Variants in MTA1 observed in about 807,000 individuals in gnomAD.
The protein encoded by MTA1 is metastasis associated 1.
A neutral mutation model predicts 97.0 loss-of-function variants in MTA1; 15 were observed. The ratio of observed to expected loss-of-function variants is 0.15; its 90% CI spans 0.10 to 0.24. The LOEUF is 0.24. MTA1 is among the 10% of genes least tolerant of loss of function. The pLI is 1.00. For synonymous variants in MTA1, 435 were observed against 417.5 expected (o/e 1.04, Z -0.51); for missense variants, 709 against 1,015.1 (o/e 0.70, Z 4.10).
At chr14:105,450,629 G>T (rs1428974958) in intron 6 of MTA1, among the ~76,000 whole-genome samples, 12 of 152,282 alleles carry the variant, frequency 7.9e-5, no homozygotes, top group African/African-American at 2.4e-4. Context: ...AGGCAGGTGG[G>T]GGCAGGGGCC....
chr14:105,467,202 C>T, intron 18 of MTA1: 4 of 357,874 alleles, frequency 1.1e-5, no homozygotes, highest in South Asian at 8.3e-5. Context: ...AGGACTGGCT[C>T]AGGTGCTCTG....
chr14:105,431,071 G>A (rs60686524), intron 1 of MTA1, among the ~76,000 whole-genome samples: 3,350 of 152,200 alleles, frequency 0.022, 74 homozygotes, highest in African/African-American at 0.049. Context: ...GCAGCCAGTC[G>A]GTTATCCAGT....
At chr14:105,447,995 C>T (rs2082776473) in intron 3 of MTA1, among the ~76,000 whole-genome samples, 1 of 152,170 alleles carries the variant, frequency 6.6e-6, no homozygotes. Flanking sequence ...GCCCACAGTG[C>T]AGGCCTCAGG....
At chr14:105,440,563 T>C (rs1595317857) in intron 2 of MTA1, among the ~76,000 whole-genome samples, 1 of 152,256 alleles carries the variant, frequency 6.6e-6, no homozygotes, top group Admixed American at 6.5e-5. Context: ...GGCAGGGGGC[T>C]GGCTTCCAGC....
intron 3 of MTA1, among the ~76,000 whole-genome samples, chr14:105,446,208 G>A (rs1555427135): frequency 6.6e-6 from 1 of 152,162 alleles, no homozygotes. Flanking sequence ...TGCCGAGCTG[G>A]GCCCCACCTG....
chr14:105,437,306 C>T (rs900878392), intron 1 of MTA1, among the ~76,000 whole-genome samples: 7 of 51,888 alleles, frequency 1.3e-4, no homozygotes, highest in Admixed American at 7.6e-4. Context: ...TCCTCATGGG[C>T]GTGTGCCTGC....
Position 105,466,429 on chromosome 14 carries a change from C to CG in MTA1, c.1628_1629insG (p.His544ProfsTer8). ...CTGCCTGTGTCATTCCCGGCAGAGA[C>CG]CCACCCCCGCCCCCCCAAGCCTGAC... On this transcript the variant is annotated frameshift_variant, in exon 17 of 21. Coordinates refer to ENST00000331320, the MANE Select transcript of MTA1 (RefSeq NM_004689.4). LOFTEE classifies it high-confidence loss of function. The CG allele has an allele frequency of 1.3e-6, 1 of 791,492 alleles. No individual in the cohort carries two copies. The highest frequency in any genetic ancestry group is 2.1e-6 in the Non-Finnish European group (1 of 471,160). The allele number at this position is 791,492 out of a possible 1,614,324, so 49.0% of individuals were successfully genotyped here.
At chr14:105,437,354 G>C (rs28404151) in intron 1 of MTA1, among the ~76,000 whole-genome samples, 129,463 of 146,006 alleles carry the variant, frequency 0.89, 58,966 homozygotes, top group East Asian at 0.99. Context: ...TGGGTGTGTG[G>C]CTGCAGGTGC....
In MTA1 at chr14:105,466,496, C is replaced by T. The variant is rs781979215; in HGVS notation, c.1695C>T (p.Pro565=). Residue 565 remains proline (P), a synonymous_variant, in exon 17 of 21, where the codon CCC becomes CCT. Transcript: ENST00000331320. ...SVSSVLSSLT[P]AKVAPVINNG... is the part of the protein sequence containing the mutation. Reference sequence around the variant, plus strand: ...CCAGCGTGCTCAGCAGCCTGACGCCCGCCAAGGTGGCCCCCGTCATCAACA... The same window carrying T: ...CCAGCGTGCTCAGCAGCCTGACGCCTGCCAAGGTGGCCCCCGTCATCAACA... The T allele has an allele frequency of 2.1e-5, 33 of 1,598,508 alleles. No individual in the cohort carries two copies. In the East Asian group the frequency reaches 2.5e-4, roughly 12 times the overall value.
intron 6 of MTA1, 152 bp from the exon 7 acceptor site, chr14:105,454,041 G>GCTCCTGCGCCCTCCCTCC (rs1379678347): frequency 1.1e-4 from 60 of 555,950 alleles, no homozygotes; most frequent in South Asian, 1.0e-3. Context: ...AGCTGTGGGG[G>GCTCCTGCGCCCTCCCTCC]CTCCTGCGCC....
intron 8 of MTA1, among the ~76,000 whole-genome samples, chr14:105,459,046 C>T (rs1379050318): frequency 8.3e-6 from 1 of 120,030 alleles, no homozygotes; most frequent in African/African-American, 3.1e-5. Flanking sequence ...GGTCCCTGGT[C>T]CCTGGGGAGC....
At position 105,460,963 on chromosome 14, in the gene MTA1, G is replaced by A. The variant is rs782075077; in HGVS notation, c.942+10G>A. On this transcript the variant is annotated intron_variant, in intron 10 of 20. Coordinates refer to ENST00000331320, the MANE Select transcript of MTA1 (RefSeq NM_004689.4). ...CATTCAGCAAGATTTTGTGAGTACC[G>A]TGGGTGGCGATGGGGGAGTGGCTGG... 1.7e-5 allele frequency: 27 copies of A among 1,603,234 alleles called. No homozygotes were observed. Among genetic ancestry groups the A allele is most frequent in the East Asian group, 6.7e-5 (3 of 44,840 alleles).
At chr14:105,468,072 C>T (rs2083670951) in intron 18 of MTA1, 5 of 352,966 alleles carry the variant, frequency 1.4e-5, no homozygotes, top group Non-Finnish European at 2.3e-5. Context: ...AGGACCTGGG[C>T]GCTGGAGAGG....
intron 3 of MTA1, among the ~76,000 whole-genome samples, chr14:105,447,466 C>A (rs1211140082): frequency 6.6e-6 from 1 of 152,174 alleles, no homozygotes; most frequent in African/African-American, 2.4e-5. Flanking sequence ...TCTCAGACGC[C>A]CCAGAGGATG....
chr14:105,463,693 A>AG lies in MTA1; in HGVS notation c.1076+145dup, dbSNP rs2083450000. ...GGGGCAGCCCCCGGGAGGGCGGCCC[A>AG]GGGCTGGGGGGTTCTGGCTGCAGAC... is the stretch of plus-strand genomic sequence containing the variant. On this transcript the variant is annotated intron_variant, in intron 12 of 20. Coordinates refer to ENST00000331320, the MANE Select transcript of MTA1 (RefSeq NM_004689.4). The surrounding 1 kb of genome is among the most constrained non-coding windows in gnomAD (Gnocchi z 5.9). The AG allele has an allele frequency of 6.4e-6, 5 of 783,232 alleles. No individual in the cohort carries two copies. The South Asian group carries it at 8.3e-5, about 13-fold the overall frequency. 48.5% of individuals were successfully genotyped at this position (783,232 alleles called of 1,614,324 possible).
intron 6 of MTA1, among the ~76,000 whole-genome samples, chr14:105,452,104 T>C (rs2082967158): frequency 6.6e-6 from 1 of 152,224 alleles, no homozygotes; most frequent in African/African-American, 2.4e-5. Context: ...TTCCCTCTTC[T>C]TTCTTACCTG....
chr14:105,455,809 G>A (rs1037349765), intron 7 of MTA1, among the ~76,000 whole-genome samples: 24 of 152,238 alleles, frequency 1.6e-4, no homozygotes, highest in Non-Finnish European at 2.8e-4. Context: ...TGGCAGTGGG[G>A]GAAGACCCCC....
intron 18 of MTA1, chr14:105,468,497 C>G: frequency 1.3e-6 from 1 of 783,348 alleles, no homozygotes; most frequent in Non-Finnish European, 1.9e-6. Flanking sequence ...GCTAAGCAAA[C>G]TGGCAGGGAA....
intron 16 of MTA1, chr14:105,465,464 G>T (rs1217304236): frequency 6.7e-6 from 2 of 297,342 alleles, no homozygotes; most frequent in Non-Finnish European, 6.2e-6. Context: ...ACACCCGGGG[G>T]CTTCCCTGCC....
Sources: allele counts gnomAD v4.1 joint callset (sites outside exome capture counted in the v4.1 genomes callset), GRCh38; gene constraint gnomAD v4.1.1; non-coding constraint Gnocchi (gnomAD v3.1); transcripts MANE v1.5; gene names NCBI Gene and HGNC (gene_info 2026-07-23, HGNC 2026-07-21).